PTPRD: variants seen among roughly 807,000 people sequenced by gnomAD.
The protein encoded by PTPRD is protein tyrosine phosphatase receptor type D.
Under a neutral mutation model 214.5 loss-of-function variants are expected in PTPRD, and 34 were observed. That is an observed-to-expected ratio of 0.16 (90% confidence interval 0.12 to 0.21). The LOEUF (loss-of-function observed/expected upper bound fraction) is 0.21. Among genes scored for constraint, PTPRD ranks in the 10% least tolerant of loss-of-function variants. PTPRD has a pLI of 1.00. For synonymous variants in PTPRD, 1,128 were observed against 845.7 expected, an observed-to-expected ratio of 1.33 and a Z score of -5.79; for missense variants, 2,545 against 2,398.7, an observed-to-expected ratio of 1.06 and a Z score of -1.27.
chr9:9,375,243 C>G (rs1250467505), intron 9 of PTPRD, among the ~76,000 whole-genome samples: 1 of 152,088 alleles, frequency 6.6e-6, no homozygotes, highest in African/African-American at 2.4e-5. Context: ...GGATAATCCA[C>G]CAATGAATAA....
At chr9:10,559,105 T>G (rs1169046234) in intron 2 of PTPRD, among the ~76,000 whole-genome samples, 2 of 152,060 alleles carry the variant, frequency 1.3e-5, no homozygotes, top group Non-Finnish European at 2.9e-5. Flanking sequence ...AATACAGGAC[T>G]TAGAAAATAG....
intron 2 of PTPRD, among the ~76,000 whole-genome samples, chr9:10,432,691 C>A (rs1443684684): frequency 6.6e-6 from 1 of 151,962 alleles, no homozygotes; most frequent in Non-Finnish European, 1.5e-5. Context: ...TCAAATGCAG[C>A]AGTATCTAAA....
intron 5 of PTPRD, among the ~76,000 whole-genome samples, chr9:9,837,576 C>G (rs9408792): frequency 0.42 from 64,458 of 151,778 alleles, 16,300 homozygotes; most frequent in Non-Finnish European, 0.58. Flanking sequence ...TTGCTTTTGA[C>G]TTTTGATGGG....
At chr9:9,768,891 G>C (rs1238916114) in intron 5 of PTPRD, among the ~76,000 whole-genome samples, 3 of 152,170 alleles carry the variant, frequency 2.0e-5, no homozygotes, top group Non-Finnish European at 2.9e-5. Context: ...ACAAACTTCA[G>C]TTTGTAACAT....
chr9:10,411,952 G>A (rs1459080742), intron 2 of PTPRD, among the ~76,000 whole-genome samples: 1 of 151,718 alleles, frequency 6.6e-6, no homozygotes, highest in East Asian at 2.0e-4. Flanking sequence ...TACTTAAATT[G>A]TTCTTAATAT....
At chr9:9,805,134 T>C (rs4740990) in intron 5 of PTPRD, among the ~76,000 whole-genome samples, 58,040 of 151,932 alleles carry the variant, frequency 0.38, 11,843 homozygotes, top group East Asian at 0.7. Context: ...GCTTTGGGTT[T>C]TGGGGCCAGG....
At chr9:8,841,948 T>A (rs548012691) in intron 11 of PTPRD, among the ~76,000 whole-genome samples, 1 of 151,448 alleles carries the variant, frequency 6.6e-6, no homozygotes, top group Non-Finnish European at 1.5e-5. Context: ...GAAGCAGAGG[T>A]TGCAGTGAGC....
At chr9:10,332,307 T>G (rs1034476445) in intron 3 of PTPRD, among the ~76,000 whole-genome samples, 1 of 151,826 alleles carries the variant, frequency 6.6e-6, no homozygotes, top group African/African-American at 2.4e-5. Flanking sequence ...AAGAAGACTA[T>G]GAAGAATTTC....
chr9:9,115,119 T>C (rs139138658), intron 10 of PTPRD, among the ~76,000 whole-genome samples: 33 of 152,248 alleles, frequency 2.2e-4, no homozygotes, highest in Admixed American at 1.8e-3. Flanking sequence ...TAGAATAATT[T>C]TTTACTTTGG....
intron 3 of PTPRD, among the ~76,000 whole-genome samples, chr9:10,219,127 C>T (rs187426716): frequency 6.6e-5 from 10 of 151,582 alleles, no homozygotes; most frequent in Non-Finnish European, 1.3e-4. Flanking sequence ...AAAGGACTGA[C>T]GGGGGATCTG....
intron 8 of PTPRD, among the ~76,000 whole-genome samples, chr9:9,426,721 G>A (rs759936164): frequency 7.2e-5 from 11 of 152,092 alleles, no homozygotes; most frequent in Non-Finnish European, 1.3e-4. Context: ...CCAGAAGAAC[G>A]ATAAGGCAGC....
At chr9:9,405,290 A>T (rs2072826750) in intron 8 of PTPRD, among the ~76,000 whole-genome samples, 1 of 152,106 alleles carries the variant, frequency 6.6e-6, no homozygotes, top group South Asian at 2.1e-4. Flanking sequence ...GCAAGTTATA[A>T]CTGAACATGG....
chr9:9,789,447 A>T (rs1286367917), intron 5 of PTPRD, among the ~76,000 whole-genome samples: 1 of 152,158 alleles, frequency 6.6e-6, no homozygotes, highest in African/African-American at 2.4e-5. Flanking sequence ...TTCCCTGTTC[A>T]CAGGCCAAGA....
intron 3 of PTPRD, among the ~76,000 whole-genome samples, chr9:10,281,927 T>C (rs58736910): frequency 0.033 from 4,963 of 152,148 alleles, 290 homozygotes; most frequent in African/African-American, 0.11. Context: ...CTGAAATTCC[T>C]GAGCTTATCT....
At chr9:8,793,580 G>A (rs78428504) in intron 11 of PTPRD, among the ~76,000 whole-genome samples, 1 of 152,166 alleles carries the variant, frequency 6.6e-6, no homozygotes, top group African/African-American at 2.4e-5. Context: ...ATATGACAAT[G>A]TCTAAGTCTT....
intron 3 of PTPRD, among the ~76,000 whole-genome samples, chr9:10,142,127 G>A (rs980658985): frequency 1.3e-5 from 2 of 152,096 alleles, no homozygotes; most frequent in African/African-American, 4.8e-5. Context: ...ATCAATTCAA[G>A]ATGGATTAAA....
At chr9:9,912,989 A>C (rs1346924308) in intron 5 of PTPRD, among the ~76,000 whole-genome samples, 1 of 152,222 alleles carries the variant, frequency 6.6e-6, no homozygotes, top group Non-Finnish European at 1.5e-5. Context: ...AGCACATTAA[A>C]TAACAATCAG....
chr9:8,604,870 ACATGTATAGCCTGAGAT>A (rs2095111152), intron 14 of PTPRD, among the ~76,000 whole-genome samples: 1 of 152,224 alleles, frequency 6.6e-6, no homozygotes, highest in East Asian at 1.9e-4. Flanking sequence ...TCATCCCTTA[ACATGTATAGCCTGAGAT>A]TACTGCAATA....
chr9:8,603,413 C>T (rs1386523380), intron 14 of PTPRD, among the ~76,000 whole-genome samples: 4 of 152,182 alleles, frequency 2.6e-5, no homozygotes, highest in Non-Finnish European at 5.9e-5. Flanking sequence ...GCCCTATAGA[C>T]AGCTTTCTCC....
Sources: gnomAD v4.1 joint callset for allele counts (sites outside exome capture counted in the v4.1 genomes callset) on GRCh38, gnomAD v4.1.1 for gene constraint, MANE v1.5 for transcripts, NCBI Gene and HGNC (gene_info 2026-07-23, HGNC 2026-07-21) for gene names.